The following SHROOM2 variants were observed in gnomAD, a reference collection of about 807,000 sequenced individuals.
SHROOM2 encodes the protein shroom family member 2, also known as protein Shroom2.
SHROOM2 carries 33 observed loss-of-function variants against 75.9 expected under a neutral mutation model. The ratio of observed to expected loss-of-function variants is 0.43; its 90% CI spans 0.33 to 0.58. The LOEUF (loss-of-function observed/expected upper bound fraction) is 0.58, where lower values mean the gene tolerates loss of function less well. SHROOM2 is among the 20% of genes least tolerant of loss of function. SHROOM2 has a pLI of 0.04. For missense variants in SHROOM2, 1,434 were observed against 1,461.2 expected (o/e 0.98, Z 0.30); for synonymous variants, 655 against 663.6 (o/e 0.99, Z 0.20).
In SHROOM2 at chrX:9,932,443, G is replaced by A. The variant is rs971138761; in HGVS notation, c.3160G>A (p.Ala1054Thr). Residue 1054 changes from alanine to threonine, a missense_variant, in exon 6 of 10, where the codon GCC becomes ACC. Ala to Thr is a moderately conservative substitution (Grantham distance 58, BLOSUM62 0). Coordinates refer to ENST00000380913, the MANE Select transcript of SHROOM2 (RefSeq NM_001649.4). Reference sequence around the variant, plus strand: ...ACAAGACTCGTGGCCAGTGAGCTCAGCCCTGCTCTCCAAGAGGCCAGCCCC... The same window carrying A: ...ACAAGACTCGTGGCCAGTGAGCTCAACCCTGCTCTCCAAGAGGCCAGCCCC... Reference protein sequence around the residue: ...RGQDSWPVSSALLSKRPAPQR... With the variant: ...RGQDSWPVSSTLLSKRPAPQR... 3.3e-6 allele frequency: 4 copies of A among 1,206,419 alleles called. No homozygotes were observed. Among genetic ancestry groups the A allele is most frequent in the Non-Finnish European group, 3.4e-6 (3 of 892,926 alleles).
chrX:9,941,704 G>A (rs2084770105), intron 8 of SHROOM2, among the ~76,000 whole-genome samples: 2 of 110,660 alleles, frequency 1.8e-5, no homozygotes, highest in Non-Finnish European at 3.8e-5. Context: ...GGGCGCGGTG[G>A]CTCACGCTTG....
chrX:9,884,323 A>G (rs2084248023), intron 2 of SHROOM2, among the ~76,000 whole-genome samples: 1 of 108,099 alleles, frequency 9.3e-6, no homozygotes, highest in Non-Finnish European at 1.9e-5. Flanking sequence ...TTTCTTCTAA[A>G]AGGTTAGGAA....
At chrX:9,937,735 T>G in intron 7 of SHROOM2, 50 bp downstream of exon 7, 8 of 1,029,752 alleles carry the variant, frequency 7.8e-6, no homozygotes, top group Non-Finnish European at 1.0e-5. Context: ...CTGGCATCTC[T>G]TAGGCTTGTA....
At chrX:9,797,250 T>G (rs1195513955) in intron 1 of SHROOM2, among the ~76,000 whole-genome samples, 1 of 112,127 alleles carries the variant, frequency 8.9e-6, no homozygotes, top group Non-Finnish European at 1.9e-5. Context: ...ACTTTTCCCC[T>G]TCTGGCTGCC....
intron 1 of SHROOM2, among the ~76,000 whole-genome samples, chrX:9,853,318 C>A (rs762075367): frequency 3.6e-5 from 4 of 112,145 alleles, no homozygotes; most frequent in Non-Finnish European, 7.5e-5. Context: ...TCTTTGTGCT[C>A]ACTTACTAGC....
chrX:9,923,789 A>G (rs192560260), intron 5 of SHROOM2, among the ~76,000 whole-genome samples: 6 of 112,528 alleles, frequency 5.3e-5, no homozygotes, highest in Non-Finnish European at 3.8e-5. Context: ...AGGTTCTGTT[A>G]TTGGGCATTA....
chrX:9,812,128 A>T (rs1394907964), intron 1 of SHROOM2, among the ~76,000 whole-genome samples: 6 of 111,874 alleles, frequency 5.4e-5, no homozygotes, highest in East Asian at 2.8e-4. Flanking sequence ...GCTTTATCTC[A>T]AAAGGAGAGT....
intron 9 of SHROOM2, among the ~76,000 whole-genome samples, chrX:9,945,768 G>T (rs1398827623): frequency 1.8e-5 from 2 of 111,694 alleles, no homozygotes; most frequent in Non-Finnish European, 3.8e-5. Flanking sequence ...TTTCTCAGTG[G>T]GTCTGTCTTT....
intron 3 of SHROOM2, among the ~76,000 whole-genome samples, chrX:9,893,536 G>GAC (rs1298236570): frequency 1.8e-5 from 2 of 112,058 alleles, no homozygotes; most frequent in Non-Finnish European, 3.8e-5. Flanking sequence ...ACACTACGCA[G>GAC]ACACATGGGC....
chrX:9,920,894 C>T (rs778795987), intron 5 of SHROOM2, among the ~76,000 whole-genome samples: 1 of 112,600 alleles, frequency 8.9e-6, no homozygotes, highest in East Asian at 2.8e-4. Context: ...AGTTACCTTG[C>T]TGCATAACAA....
intron 5 of SHROOM2, among the ~76,000 whole-genome samples, chrX:9,918,686 CATT>C (rs1328453921): frequency 6.4e-5 from 7 of 109,596 alleles, no homozygotes; most frequent in Non-Finnish European, 1.3e-4. Context: ...GATGGAGTCT[CATT>C]ATGTTGGCCA....
chrX:9,804,970 C>T (rs2083743491), intron 1 of SHROOM2, among the ~76,000 whole-genome samples: 1 of 110,542 alleles, frequency 9.0e-6, no homozygotes, highest in Non-Finnish European at 1.9e-5. Context: ...CACAGTGGCT[C>T]ATATCTGTAA....
At chrX:9,945,058 G>T in intron 9 of SHROOM2, 145 bp downstream of exon 9, 1 of 527,659 alleles carries the variant, frequency 1.9e-6, no homozygotes. Flanking sequence ...TGTCGAGACA[G>T]TGCACGCTCT....
chrX:9,866,991 C>T (rs1390259885), intron 1 of SHROOM2, among the ~76,000 whole-genome samples: 2 of 110,430 alleles, frequency 1.8e-5, no homozygotes, highest in East Asian at 5.7e-4. Flanking sequence ...GGGTCACATC[C>T]CCCTCATGCT....
chrX:9,791,901 G>T (rs1039734714), intron 1 of SHROOM2, among the ~76,000 whole-genome samples: 2 of 108,273 alleles, frequency 1.8e-5, no homozygotes, highest in South Asian at 8.1e-4. Flanking sequence ...AGGCTCCCGG[G>T]AGGCAGAGGT....
At chrX:9,914,179 G>A (rs1221779114) in intron 5 of SHROOM2, among the ~76,000 whole-genome samples, 2 of 104,997 alleles carry the variant, frequency 1.9e-5, no homozygotes, top group African/African-American at 7.0e-5. Flanking sequence ...AACACACACA[G>A]AGTTTTTTAC....
intron 1 of SHROOM2, among the ~76,000 whole-genome samples, chrX:9,822,985 A>ATTCTTCTTCTTCTTCTTC (rs1193729528): frequency 1.1e-4 from 10 of 88,242 alleles, no homozygotes; most frequent in African/African-American, 4.7e-4. Flanking sequence ...AAGAATAATA[A>ATTCTTCTTCTTCTTCTTC]TTCTTCTTCT....
At position 9,815,000 on chromosome X, in the gene SHROOM2, A is replaced by G. The variant is rs980874380; in HGVS notation, c.165+28290A>G. On this transcript the variant is annotated intron_variant, in intron 1 of 9. Coordinates refer to ENST00000380913, the MANE Select transcript of SHROOM2 (RefSeq NM_001649.4). ...GGCAATCTTAGCAGATTTGAGGCTC[A>G]GTATCTGCTTTTGAAGCCGGGAGAC... is the stretch of plus-strand genomic sequence containing the variant. Among the ~76,000 whole-genome samples the G allele has an allele frequency of 5.4e-5, 6 of 111,596 alleles. No homozygotes were observed. The Admixed American group carries it at 5.8e-4, about 11-fold the overall frequency.
chrX:9,909,740 C>T (rs2084411609), intron 5 of SHROOM2, among the ~76,000 whole-genome samples: 1 of 112,350 alleles, frequency 8.9e-6, no homozygotes, highest in Non-Finnish European at 1.9e-5. Context: ...CTATTAAGGT[C>T]ATCAAAAACA....
Sources: gnomAD v4.1 joint callset for allele counts (sites outside exome capture counted in the v4.1 genomes callset) on GRCh38, gnomAD v4.1.1 for gene constraint, MANE v1.5 for transcripts, NCBI Gene and HGNC (gene_info 2026-07-23, HGNC 2026-07-21) for gene names.